RBFOX1: variants seen among roughly 807,000 people sequenced by gnomAD.
The protein encoded by RBFOX1 is RNA binding protein fox-1 homolog 1.
Under a neutral mutation model 57.7 loss-of-function variants are expected in RBFOX1, and 8 were observed. The ratio of observed to expected loss-of-function variants is 0.14; its 90% CI spans 0.08 to 0.25. RBFOX1 has a LOEUF of 0.25. RBFOX1 is among the 10% of genes least tolerant of loss of function. RBFOX1 has a pLI of 1.00. For synonymous variants in RBFOX1, 326 were observed against 222.4 expected (o/e 1.47, Z -4.15); for missense variants, 611 against 548.5 (o/e 1.11, Z -1.14).
In RBFOX1 at chr16:6,974,000, T is replaced by C. The variant is rs201424235; in HGVS notation, c.-15-78057T>C. ...TGTCCATGTGTTCTCATTGTTCAGC[T>C]CTCACTTTTAAGTAAGAACATATAG... On this transcript the variant is annotated intron_variant, in intron 3 of 15. Coordinates refer to ENST00000550418, the MANE Select transcript of RBFOX1 (RefSeq NM_018723.4). Among the ~76,000 whole-genome samples the C allele has an allele frequency of 4.6e-5, 7 of 152,180 alleles. 1 individual carries two copies. Among genetic ancestry groups the C allele is most frequent in the East Asian group, 3.9e-4 (2 of 5,184 alleles).
chr16:5,511,056 C>T (rs1040829344), intron 2 of RBFOX1, among the ~76,000 whole-genome samples: 4 of 152,098 alleles, frequency 2.6e-5, no homozygotes, highest in African/African-American at 9.7e-5. Context: ...AGAGTCACAG[C>T]ATGATGCAAT....
chr16:6,360,795 A>G (rs2088326784), intron 2 of RBFOX1, among the ~76,000 whole-genome samples: 1 of 152,148 alleles, frequency 6.6e-6, no homozygotes, highest in African/African-American at 2.4e-5. Context: ...TGTGCCACAG[A>G]GCTCCATGTC....
chr16:7,368,352 C>G (rs1410380843), intron 4 of RBFOX1, among the ~76,000 whole-genome samples: 1 of 151,874 alleles, frequency 6.6e-6, no homozygotes, highest in Non-Finnish European at 1.5e-5. Context: ...GTTTCTTTCC[C>G]TGTTTATCTT....
At chr16:5,408,436 C>G (rs1373329994) in intron 1 of RBFOX1, among the ~76,000 whole-genome samples, 1 of 152,160 alleles carries the variant, frequency 6.6e-6, no homozygotes, top group African/African-American at 2.4e-5. Context: ...CTGAGCTATT[C>G]AGAGGCCTTA....
At chr16:6,671,021 C>A (rs1231635580) in intron 3 of RBFOX1, among the ~76,000 whole-genome samples, 1 of 152,072 alleles carries the variant, frequency 6.6e-6, no homozygotes, top group Non-Finnish European at 1.5e-5. Context: ...AAACTGGTTT[C>A]CTTATTTACT....
intron 3 of RBFOX1, among the ~76,000 whole-genome samples, chr16:6,917,611 C>T (rs1330998936): frequency 6.6e-6 from 1 of 151,306 alleles, no homozygotes; most frequent in African/African-American, 2.4e-5. Flanking sequence ...CGGCTCCCTT[C>T]CTGCCTTCTA....
At chr16:7,102,178 C>G (rs1025121452) in intron 4 of RBFOX1, among the ~76,000 whole-genome samples, 2 of 152,180 alleles carry the variant, frequency 1.3e-5, no homozygotes, top group African/African-American at 4.8e-5. Flanking sequence ...CATCGGATTC[C>G]AGTTAAGCCA....
In RBFOX1 at chr16:5,802,408, G is replaced by C. The variant is rs75047234; in HGVS notation, c.319-64895G>C. On this transcript the variant is annotated intron_variant, in intron 3 of 19. Coordinates refer to the RBFOX1 transcript ENST00000641259. ...CTGGACTGTAAAACATGCAAACAAG[G>C]GTGGGATAGCTGCTGAGGTCCCTTG... Among the ~76,000 whole-genome samples, 1,350 of 152,176 alleles carry C rather than the reference G, an allele frequency of 8.9e-3. 26 individuals carry two copies. Among genetic ancestry groups the C allele is most frequent in the African/African-American group, 0.031 (1,295 of 41,518 alleles).
At chr16:7,264,275 G>A (rs1053294679) in intron 4 of RBFOX1, among the ~76,000 whole-genome samples, 1 of 152,128 alleles carries the variant, frequency 6.6e-6, no homozygotes, top group African/African-American at 2.4e-5. Context: ...AACAAAATTG[G>A]TAAACTCAAG....
At chr16:6,528,418 G>A (rs1243642464) in intron 2 of RBFOX1, among the ~76,000 whole-genome samples, 2 of 152,162 alleles carry the variant, frequency 1.3e-5, no homozygotes, top group South Asian at 2.1e-4. Context: ...AGTCATTGCA[G>A]AGCCAATAAA....
At position 7,341,693 on chromosome 16, in the gene RBFOX1, ACCTTCCTTCCTT is replaced by A. The variant is rs777842492; in HGVS notation, c.28-176439_28-176428del. Among the ~76,000 whole-genome samples the A allele has an allele frequency of 1.7e-3, 252 of 144,688 alleles. 3 individuals are homozygous for A. Among genetic ancestry groups the A allele is most frequent in the African/African-American group, 6.2e-3 (243 of 39,450 alleles). The allele number at this position is 144,688 out of a possible 152,430, so 94.9% of individuals were successfully genotyped here. A position where few individuals can be genotyped will look rare whatever the true frequency, so the allele number is the denominator to read the frequency against. ...CTACATTTCAGAGAACAATGGTCCT[ACCTTCCTTCCTT>A]CCTTCCTTCCTTCCCTCCCTCCCTC... On this transcript the variant is annotated intron_variant, in intron 4 of 15. Coordinates refer to ENST00000550418, the MANE Select transcript of RBFOX1 (RefSeq NM_018723.4).
At chr16:6,120,357 T>C (rs1363312849) in intron 1 of RBFOX1, among the ~76,000 whole-genome samples, 1 of 152,192 alleles carries the variant, frequency 6.6e-6, no homozygotes, top group Non-Finnish European at 1.5e-5. Flanking sequence ...CAGCAAGCTG[T>C]TTCCCACAGC....
chr16:6,936,837 C>T (rs910990715), intron 3 of RBFOX1, among the ~76,000 whole-genome samples: 8 of 151,088 alleles, frequency 5.3e-5, no homozygotes, highest in Non-Finnish European at 1.2e-4. Context: ...TCCGAATGCT[C>T]AAAAACAGTG....
intron 2 of RBFOX1, among the ~76,000 whole-genome samples, chr16:6,605,888 G>T (rs376549822): frequency 3.8e-4 from 57 of 151,930 alleles, no homozygotes; most frequent in African/African-American, 1.3e-3. Context: ...TCACTTGAGG[G>T]CAGGAGTTCG....
chr16:5,933,479 C>T (rs1198308352), intron 4 of RBFOX1, among the ~76,000 whole-genome samples: 7 of 152,194 alleles, frequency 4.6e-5, no homozygotes, highest in Non-Finnish European at 8.8e-5. Flanking sequence ...TCACAGGGAC[C>T]GTCAGGGTTG....
At chr16:5,857,239 G>A (rs7200999) in intron 3 of RBFOX1, among the ~76,000 whole-genome samples, 1 of 151,858 alleles carries the variant, frequency 6.6e-6, no homozygotes, top group African/African-American at 2.4e-5. Context: ...CATTTATCAG[G>A]TAAACCTCCC....
Position 7,012,624 on chromosome 16 carries a change from G to GA in RBFOX1, c.-15-39426dup, listed in dbSNP as rs549533378. ...AACATTGGAACAGAATTGTGCTCCAGAAAAAAATGAGATCCAACAGACCTT... is the reference window on the plus strand; with the variant it reads ...AACATTGGAACAGAATTGTGCTCCAGAAAAAAAATGAGATCCAACAGACCTT... On this transcript the variant is annotated intron_variant, in intron 3 of 15. Transcript: ENST00000550418. 9.0e-3 allele frequency among the ~76,000 whole-genome samples: 1,371 copies of GA among 152,186 alleles called. 23 individuals are homozygous for GA. Among genetic ancestry groups the GA allele is most frequent in the African/African-American group, 0.031 (1,295 of 41,524 alleles).
intron 2 of RBFOX1, among the ~76,000 whole-genome samples, chr16:5,557,393 T>C (rs528725555): frequency 7.4e-6 from 1 of 135,586 alleles, no homozygotes; most frequent in African/African-American, 2.7e-5. Flanking sequence ...GTCAAGCACA[T>C]GGGCATTGGG....
intron 1 of RBFOX1, among the ~76,000 whole-genome samples, chr16:5,256,572 GTTC>G (rs201773462): frequency 0.013 from 2,024 of 152,252 alleles, 53 homozygotes; most frequent in African/African-American, 0.047. Flanking sequence ...AATGCAAAGT[GTTC>G]TTCTTTGCCT....
Sources: allele counts gnomAD v4.1 joint callset (sites outside exome capture counted in the v4.1 genomes callset), GRCh38; gene constraint gnomAD v4.1.1; transcripts MANE v1.5; gene names NCBI Gene and HGNC (gene_info 2026-07-23, HGNC 2026-07-21).